The following HEMK2 variants were observed in gnomAD, a reference collection of about 807,000 sequenced individuals.
HEMK2 encodes methyltransferase HEMK2.
chr21:28,831,455 A>AAAGAAAGAAAGAAAGAAAAGAAAG, the HEMK2 span, among the ~76,000 whole-genome samples: 6 of 56,964 alleles, frequency 1.1e-4, no homozygotes, highest in Admixed American at 7.4e-4. Flanking sequence ...AAAAAGAAAG[A>AAAGAAAGAAAGAAAGAAAAGAAAG]AAAGAACGAA....
the HEMK2 span, among the ~76,000 whole-genome samples, chr21:28,612,009 G>C: frequency 1.3e-5 from 2 of 151,654 alleles, no homozygotes; most frequent in East Asian, 3.9e-4. Context: ...AGAAGAATTG[G>C]TACCAATCTT....
At chr21:28,619,475 T>C in the HEMK2 span, among the ~76,000 whole-genome samples, 1 of 152,210 alleles carries the variant, frequency 6.6e-6, no homozygotes, top group Admixed American at 6.5e-5. Flanking sequence ...CCAAATCTCA[T>C]GGTCCTATAA....
the HEMK2 span, among the ~76,000 whole-genome samples, chr21:28,780,835 C>T: frequency 2.0e-5 from 3 of 152,152 alleles, no homozygotes; most frequent in Non-Finnish European, 4.4e-5. Context: ...CTCCTGGTGG[C>T]CTCTATCTTC....
chr21:28,666,008 C>T, the HEMK2 span, among the ~76,000 whole-genome samples: 120 of 152,278 alleles, frequency 7.9e-4, 1 homozygote, highest in Admixed American at 7.8e-3. Context: ...ATTTCTCTTA[C>T]ATTTTCTAAT....
chr21:28,673,847 C>T, the HEMK2 span, among the ~76,000 whole-genome samples: 2 of 150,384 alleles, frequency 1.3e-5, no homozygotes, highest in East Asian at 3.9e-4. Flanking sequence ...CAACAATGTC[C>T]TTCAAGGTTT....
the HEMK2 span, among the ~76,000 whole-genome samples, chr21:28,714,945 T>C: frequency 1.3e-5 from 2 of 152,206 alleles, no homozygotes; most frequent in East Asian, 3.8e-4. Context: ...TCTAGCTCCA[T>C]CCACACTGCT....
chr21:28,748,480 T>C, the HEMK2 span, among the ~76,000 whole-genome samples: 1 of 152,222 alleles, frequency 6.6e-6, no homozygotes, highest in East Asian at 1.9e-4. Context: ...GTGACATTGC[T>C]CTTCACACAA....
At chr21:28,801,130 C>T in the HEMK2 span, among the ~76,000 whole-genome samples, 62,652 of 152,002 alleles carry the variant, frequency 0.41, 13,733 homozygotes, top group East Asian at 0.71. Context: ...GTCAAAGTGT[C>T]CTGAGTACAT....
the HEMK2 span, among the ~76,000 whole-genome samples, chr21:28,838,402 C>T: frequency 6.6e-6 from 1 of 150,962 alleles, no homozygotes; most frequent in Admixed American, 6.6e-5. Flanking sequence ...GGCATGGTGG[C>T]AGGCGCCTAT....
the HEMK2 span, chr21:28,876,447 T>C: frequency 6.2e-7 from 1 of 1,611,946 alleles, no homozygotes; most frequent in Non-Finnish European, 8.5e-7. Context: ...GAAAGTGCAG[T>C]GGTTCCTTGC....
chr21:28,747,790 G>A, the HEMK2 span, among the ~76,000 whole-genome samples: 1 of 152,170 alleles, frequency 6.6e-6, no homozygotes, highest in South Asian at 2.1e-4. Flanking sequence ...TTGCAACAAG[G>A]TGCTTTCAGA....
At chr21:28,819,970 A>T in the HEMK2 span, among the ~76,000 whole-genome samples, 2 of 152,150 alleles carry the variant, frequency 1.3e-5, no homozygotes, top group Admixed American at 6.5e-5. Context: ...ATGCCTCAGA[A>T]ATATCATTCT....
the HEMK2 span, among the ~76,000 whole-genome samples, chr21:28,723,891 A>G: frequency 6.6e-6 from 1 of 152,200 alleles, no homozygotes; most frequent in African/African-American, 2.4e-5. Context: ...TTCTGACTCA[A>G]GCCTGTTCCT....
chr21:28,605,785 C>G, the HEMK2 span, among the ~76,000 whole-genome samples: 9 of 152,136 alleles, frequency 5.9e-5, no homozygotes, highest in African/African-American at 2.2e-4. Context: ...ATTTTAAGGC[C>G]AGTTTTGATT....
At chr21:28,839,342 T>C in the HEMK2 span, among the ~76,000 whole-genome samples, 1 of 152,140 alleles carries the variant, frequency 6.6e-6, no homozygotes, top group East Asian at 1.9e-4. Flanking sequence ...ACCACTCCTC[T>C]TCAACATAGT....
At chr21:28,646,472 C>T in the HEMK2 span, among the ~76,000 whole-genome samples, 1 of 152,146 alleles carries the variant, frequency 6.6e-6, no homozygotes, top group Admixed American at 6.5e-5. Context: ...AAAGGTTTGA[C>T]CCAAATAACT....
the HEMK2 span, among the ~76,000 whole-genome samples, chr21:28,631,664 C>T: frequency 2.6e-5 from 4 of 152,038 alleles, no homozygotes; most frequent in Admixed American, 2.6e-4. Flanking sequence ...CTTTTTATGT[C>T]AAGTACAGGC....
chr21:28,581,904 A>G, the HEMK2 span, among the ~76,000 whole-genome samples: 46 of 152,300 alleles, frequency 3.0e-4, no homozygotes, highest in South Asian at 8.5e-3. Flanking sequence ...AAAAGGGGGG[A>G]AAATGTTTAA....
chr21:28,742,118 T>C, the HEMK2 span, among the ~76,000 whole-genome samples: 1,162 of 152,278 alleles, frequency 7.6e-3, 15 homozygotes, highest in African/African-American at 0.026. Context: ...TTTGTATATG[T>C]ATTGTCTATG....
Sources: allele counts gnomAD v4.1 joint callset (sites outside exome capture counted in the v4.1 genomes callset), GRCh38; gene constraint gnomAD v4.1.1; transcripts MANE v1.5; gene names NCBI Gene and HGNC (gene_info 2026-07-23, HGNC 2026-07-21).